Variants in TMOD3 observed in about 807,000 individuals in gnomAD.
TMOD3 encodes the protein tropomodulin-3.
In TMOD3, 20 loss-of-function variants were observed where a neutral mutation model predicts 39.2. The ratio of observed to expected loss-of-function variants is 0.51; its 90% confidence interval spans 0.36 to 0.74. The LOEUF (loss-of-function observed/expected upper bound fraction) is 0.74, where lower values mean the gene tolerates loss of function less well. TMOD3 is among the 30% of genes least tolerant of loss of function. The pLI is 0.00. For synonymous variants in TMOD3, 143 were observed against 145.8 expected (o/e 0.98, Z 0.14); for missense variants, 381 against 412.8 (o/e 0.92, Z 0.67).
At chr15:51,834,836 CAG>C (rs2056274374) in intron 1 of TMOD3, among the ~76,000 whole-genome samples, 1 of 152,186 alleles carries the variant, frequency 6.6e-6, no homozygotes, top group South Asian at 2.1e-4. Context: ...CAAGACAAAA[CAG>C]AACACATCTC....
intron 9 of TMOD3, among the ~76,000 whole-genome samples, chr15:51,904,615 G>A (rs1024360858): frequency 6.6e-6 from 1 of 152,216 alleles, no homozygotes; most frequent in Non-Finnish European, 1.5e-5. Flanking sequence ...GCTGTACAGT[G>A]AATGTCTATA....
chr15:51,858,917 A>T (rs2056402016), intron 1 of TMOD3, among the ~76,000 whole-genome samples: 1 of 152,168 alleles, frequency 6.6e-6, no homozygotes, highest in South Asian at 2.1e-4. Flanking sequence ...TGCGCCTATA[A>T]TCCCAGCTAC....
At chr15:51,861,842 C>T (rs1213742181) in intron 1 of TMOD3, among the ~76,000 whole-genome samples, 4 of 151,820 alleles carry the variant, frequency 2.6e-5, no homozygotes, top group Non-Finnish European at 5.9e-5. Context: ...TATTTTTCAC[C>T]ATGTTGCCCA....
chr15:51,864,360 A>G (rs2056434672), intron 2 of TMOD3, among the ~76,000 whole-genome samples: 1 of 150,996 alleles, frequency 6.6e-6, no homozygotes, highest in South Asian at 2.1e-4. Context: ...TTGAGGTTGG[A>G]TAATTTGTTG....
At chr15:51,853,098 A>G (rs1037742680) in intron 1 of TMOD3, among the ~76,000 whole-genome samples, 1 of 152,242 alleles carries the variant, frequency 6.6e-6, no homozygotes, top group Non-Finnish European at 1.5e-5. Context: ...ATTAATATCT[A>G]GTGAGGAAAG....
chr15:51,853,039 G>A (rs929170772), intron 1 of TMOD3, among the ~76,000 whole-genome samples: 2 of 152,012 alleles, frequency 1.3e-5, no homozygotes, highest in African/African-American at 2.4e-5. Context: ...CTGGCATGTA[G>A]CAACCATACT....
chr15:51,836,465 G>A (rs2056284064), intron 1 of TMOD3, among the ~76,000 whole-genome samples: 1 of 152,024 alleles, frequency 6.6e-6, no homozygotes, highest in Non-Finnish European at 1.5e-5. Flanking sequence ...TCGTTTTCAC[G>A]CCTATAATCC....
intron 1 of TMOD3, among the ~76,000 whole-genome samples, chr15:51,854,568 C>T (rs1294641795): frequency 6.6e-6 from 1 of 152,176 alleles, no homozygotes; most frequent in Non-Finnish European, 1.5e-5. Flanking sequence ...GTGTCGATAC[C>T]TTACTCCCTA....
At chr15:51,835,092 G>C (rs2056275851) in intron 1 of TMOD3, 1 of 152,162 alleles carries the variant, frequency 6.6e-6, no homozygotes, top group Non-Finnish European at 1.5e-5. Context: ...CTTTTCTGTG[G>C]GTCGAGTTAA....
Position 51,902,034 on chromosome 15 carries a change from T to TA in TMOD3, c.1023dup (p.Val342SerfsTer3), listed in dbSNP as rs746797664. On this transcript the variant is annotated frameshift_variant and splice_region_variant, in exon 9 of 10. Coordinates refer to ENST00000308580, the MANE Select transcript of TMOD3 (RefSeq NM_014547.5). LOFTEE classifies it high-confidence loss of function. The stretch of plus-strand genomic sequence containing the variant: ...AATGCTATAACAAAAAACAATGACT[T>TA]AGGTAAGACATAGTATCGATCAAGT... 1 of 1,613,984 alleles carries TA rather than the reference T, an allele frequency of 6.2e-7. No homozygotes were observed. Among genetic ancestry groups the TA allele is most frequent in the Non-Finnish European group, 8.5e-7 (1 of 1,179,976 alleles).
intron 9 of TMOD3, among the ~76,000 whole-genome samples, chr15:51,906,857 T>C (rs1242237253): frequency 6.6e-6 from 1 of 151,898 alleles, no homozygotes; most frequent in Non-Finnish European, 1.5e-5. Flanking sequence ...GTCTCTACTT[T>C]AAAAAGTACA....
Position 51,833,615 on chromosome 15 carries a change from T to C in TMOD3, c.-75+3779T>C, listed in dbSNP as rs534091028. Among the ~76,000 whole-genome samples, 6 of 152,368 alleles carry C rather than the reference T, an allele frequency of 3.9e-5. No individual in the cohort carries two copies. The South Asian group carries it at 1.2e-3, about 32-fold the overall frequency. ...CTTGGACTTCACATAAATGGAATCA[T>C]ACAGCATGTGCTTTTTTTGTGTTTG... is the stretch of plus-strand genomic sequence containing the variant. On this transcript the variant is annotated intron_variant, in intron 1 of 9. Transcript: ENST00000308580.
chr15:51,845,951 A>G (rs2056333464), intron 1 of TMOD3, among the ~76,000 whole-genome samples: 1 of 152,172 alleles, frequency 6.6e-6, no homozygotes, highest in Non-Finnish European at 1.5e-5. Flanking sequence ...CTTCAGTTAT[A>G]TAATCTAGCT....
chr15:51,839,298 T>C (rs935486526), intron 1 of TMOD3, among the ~76,000 whole-genome samples: 3 of 151,656 alleles, frequency 2.0e-5, no homozygotes, highest in African/African-American at 7.3e-5. Context: ...GCTGCCCAAG[T>C]AGCTGGAACT....
At chr15:51,858,558 T>G (rs1406777674) in intron 1 of TMOD3, among the ~76,000 whole-genome samples, 3 of 152,206 alleles carry the variant, frequency 2.0e-5, no homozygotes, top group Non-Finnish European at 1.5e-5. Context: ...CAAATTCTGT[T>G]CATTTGCTTG....
chr15:51,862,527 C>A lies in TMOD3; in HGVS notation c.-74-284C>A, dbSNP rs377285814. The stretch of plus-strand genomic sequence containing the variant: ...AATCTTTTATTTTGACACATAATTT[C>A]TTTCCCCCTAAAATTTAATTATTAG... On this transcript the variant is annotated intron_variant, in intron 1 of 9. Transcript: ENST00000308580. Among the ~76,000 whole-genome samples, 14 of 152,252 alleles carry A rather than the reference C, an allele frequency of 9.2e-5. No individual in the cohort carries two copies. In the East Asian group the frequency reaches 2.1e-3, roughly 23 times the overall value.
intron 3 of TMOD3, among the ~76,000 whole-genome samples, chr15:51,887,016 T>G (rs868333748): frequency 2.0e-5 from 3 of 151,734 alleles, no homozygotes; most frequent in Non-Finnish European, 2.9e-5. Context: ...GTCAGTAGTT[T>G]GAGACCAGCC....
intron 2 of TMOD3, among the ~76,000 whole-genome samples, chr15:51,867,085 A>G (rs1355786179): frequency 6.6e-6 from 1 of 151,988 alleles, no homozygotes; most frequent in African/African-American, 2.4e-5. Context: ...TACAAGAGAG[A>G]AAAAAAAGTC....
At chr15:51,841,728 G>A (rs938848316) in intron 1 of TMOD3, among the ~76,000 whole-genome samples, 3 of 152,084 alleles carry the variant, frequency 2.0e-5, no homozygotes, top group African/African-American at 7.2e-5. Context: ...GCCACTAGCT[G>A]TATGGTTCTC....
Sources: allele counts gnomAD v4.1 joint callset (sites outside exome capture counted in the v4.1 genomes callset), GRCh38; gene constraint gnomAD v4.1.1; transcripts MANE v1.5; gene names NCBI Gene and HGNC (gene_info 2026-07-23, HGNC 2026-07-21).